Variants in PDE4B observed in about 807,000 individuals in gnomAD.
The protein encoded by PDE4B is phosphodiesterase 4B.
PDE4B carries 20 observed loss-of-function variants against 82.2 expected under a neutral mutation model. The observed-to-expected ratio is 0.24, with a 90% CI of 0.17 to 0.35. The LOEUF is 0.35. PDE4B is among the 10% of genes least tolerant of loss of function. The probability of loss-of-function intolerance (pLI) is 1.00; values close to 1 mark genes in which losing one functional copy is unlikely to be tolerated. For synonymous variants in PDE4B, 320 were observed against 318.9 expected, an observed-to-expected ratio of 1.00 and a Z score of -0.04; for missense variants, 655 against 907.2, an observed-to-expected ratio of 0.72 and a Z score of 3.57.
intron 3 of PDE4B, among the ~76,000 whole-genome samples, chr1:66,164,760 T>C (rs1391838094): frequency 1.8e-4 from 24 of 134,754 alleles, no homozygotes; most frequent in Admixed American, 1.5e-4. Context: ...CTTTTCTTTT[T>C]TTTTTTTTTT....
At chr1:65,863,724 C>T (rs1646479742) in intron 1 of PDE4B, among the ~76,000 whole-genome samples, 1 of 152,160 alleles carries the variant, frequency 6.6e-6, no homozygotes, top group Non-Finnish European at 1.5e-5. Flanking sequence ...ATAGTTAGCT[C>T]TTCTTGTTGC....
chr1:66,262,604 T>C (rs1425449744), intron 6 of PDE4B, among the ~76,000 whole-genome samples: 2 of 152,230 alleles, frequency 1.3e-5, no homozygotes, highest in Non-Finnish European at 2.9e-5. Flanking sequence ...GAGCAACCAA[T>C]ACCACTTTCC....
intron 1 of PDE4B, among the ~76,000 whole-genome samples, chr1:65,845,794 A>C (rs540397705): frequency 4.4e-4 from 67 of 152,184 alleles, no homozygotes; most frequent in African/African-American, 1.6e-3. Flanking sequence ...TTTCAGATTG[A>C]GGAAGTCAGA....
rs758917061 is a variant in PDE4B, at chr1:65,913,375, C to A, written c.42+19C>A. On this transcript the variant is annotated intron_variant, in intron 2 of 16. Transcript: ENST00000341517. ...TGATGATGTAAGTTTCAAAAGGTCC[C>A]AATCATGTTTGGTCTGTTCAATAAA... 6.2e-7 allele frequency: 1 copy of A among 1,612,006 alleles called. No homozygotes were observed. The highest frequency in any genetic ancestry group is 1.1e-5 in the South Asian group (1 of 91,036).
intron 3 of PDE4B, among the ~76,000 whole-genome samples, chr1:66,169,596 C>T (rs1014144276): frequency 3.9e-5 from 6 of 152,146 alleles, no homozygotes; most frequent in South Asian, 2.1e-4. Flanking sequence ...CAACGCAGAA[C>T]GAGTCAGACA....
intron 3 of PDE4B, among the ~76,000 whole-genome samples, chr1:65,945,817 T>C (rs762919015): frequency 4.6e-5 from 7 of 151,980 alleles, no homozygotes; most frequent in Non-Finnish European, 1.0e-4. Flanking sequence ...TAGGCACAAA[T>C]GTACAATAGA....
chr1:66,355,033 T>A, intron 8 of PDE4B: 1 of 676,068 alleles, frequency 1.5e-6, no homozygotes, highest in Non-Finnish European at 2.5e-6. Flanking sequence ...TATTTTGAAA[T>A]AAGAGCATGT....
At chr1:66,122,739 C>G (rs1408932776) in intron 3 of PDE4B, among the ~76,000 whole-genome samples, 5 of 127,428 alleles carry the variant, frequency 3.9e-5, no homozygotes, top group Non-Finnish European at 1.6e-5. Flanking sequence ...GAGTTTTCCT[C>G]CTGTTGCCCA....
chr1:66,203,416 C>A (rs1361368998), intron 3 of PDE4B, among the ~76,000 whole-genome samples: 13 of 152,198 alleles, frequency 8.5e-5, no homozygotes, highest in African/African-American at 2.9e-4. Context: ...TGGGGAAGTT[C>A]TCCTGGGTAA....
At chr1:65,815,911 A>G (rs72641136) in intron 1 of PDE4B, among the ~76,000 whole-genome samples, 8,546 of 152,252 alleles carry the variant, frequency 0.056, 605 homozygotes, top group East Asian at 0.36. Flanking sequence ...CTTCAGCTAC[A>G]GTACCTTGTT....
Position 65,879,892 on chromosome 1 carries a change from G to A in PDE4B, c.-70-33353G>A, listed in dbSNP as rs182308707. On this transcript the variant is annotated intron_variant, in intron 1 of 16. Transcript: ENST00000341517. ...CTCATTGTTTGCACAGACCAGCATA[G>A]TGTTAATGCTGTTCTTGGTCTATGT... 1.5e-3 allele frequency among the ~76,000 whole-genome samples: 230 copies of A among 152,274 alleles called. 1 individual carries two copies. The highest frequency in any genetic ancestry group is 5.3e-3 in the African/African-American group (220 of 41,548).
At position 65,918,761 on chromosome 1, in the gene PDE4B, T is replaced by C. The variant is rs1569676750; in HGVS notation, c.207T>C (p.Asp69=). ...AAAGGGCAAGGACTCCTGAGGGAGA[T>C]GGTATTTCCAGGCCGACCACACTGC... ...QSERARTPEG[D]GISRPTTLPL... The change falls in exon 3 of 17, where the codon GAT becomes GAC. Residue 69 remains aspartate (D), a synonymous_variant. Coordinates refer to ENST00000341517, the MANE Select transcript of PDE4B (RefSeq NM_002600.4). 1.2e-6 allele frequency: 2 copies of C among 1,614,102 alleles called. No homozygotes were observed. The highest frequency in any genetic ancestry group is 1.6e-4 in the Middle Eastern group (1 of 6,062).
At chr1:65,911,123 A>G (rs1647085614) in intron 1 of PDE4B, among the ~76,000 whole-genome samples, 1 of 152,188 alleles carries the variant, frequency 6.6e-6, no homozygotes. Flanking sequence ...ATCATAAAAC[A>G]AATTTATTTC....
chr1:66,236,354 T>C (rs886955968), intron 3 of PDE4B, among the ~76,000 whole-genome samples: 12 of 152,184 alleles, frequency 7.9e-5, no homozygotes, highest in African/African-American at 2.9e-4. Flanking sequence ...CTTCTACATA[T>C]GTCATGAACT....
intron 3 of PDE4B, among the ~76,000 whole-genome samples, chr1:66,133,655 C>T (rs752375411): frequency 3.9e-5 from 6 of 152,212 alleles, no homozygotes; most frequent in Admixed American, 6.5e-5. Context: ...ACTATAACAG[C>T]ATGTGTTACC....
chr1:66,060,517 T>G (rs986009602), intron 3 of PDE4B, among the ~76,000 whole-genome samples: 7 of 152,338 alleles, frequency 4.6e-5, no homozygotes, highest in African/African-American at 1.7e-4. Flanking sequence ...AAATACACAC[T>G]GGATTTTGAA....
At chr1:65,906,377 C>T (rs1647028244) in intron 1 of PDE4B, among the ~76,000 whole-genome samples, 1 of 152,016 alleles carries the variant, frequency 6.6e-6, no homozygotes, top group South Asian at 2.1e-4. Flanking sequence ...GCTTGCAATA[C>T]CAGGTTATTA....
intron 3 of PDE4B, among the ~76,000 whole-genome samples, chr1:66,132,432 T>A (rs150005748): frequency 6.6e-6 from 1 of 152,334 alleles, no homozygotes; most frequent in East Asian, 1.9e-4. Flanking sequence ...TGGCGACTCA[T>A]GTTCAGTGGC....
chr1:66,110,081 A>C (rs1645450284), intron 3 of PDE4B, among the ~76,000 whole-genome samples: 1 of 152,036 alleles, frequency 6.6e-6, no homozygotes, highest in Admixed American at 6.6e-5. Context: ...GAGTCAGGGT[A>C]CCATATAAAC....
Sources: allele counts gnomAD v4.1 joint callset (sites outside exome capture counted in the v4.1 genomes callset), GRCh38; gene constraint gnomAD v4.1.1; transcripts MANE v1.5; gene names NCBI Gene and HGNC (gene_info 2026-07-23, HGNC 2026-07-21).